PRRX1: variants seen among roughly 807,000 people sequenced by gnomAD.
PRRX1 encodes paired related homeobox 1, also known as paired mesoderm homeobox protein 1.
In PRRX1, 8 loss-of-function variants were observed where a neutral mutation model predicts 24.0. The ratio of observed to expected loss-of-function variants is 0.33; its 90% CI spans 0.20 to 0.60. PRRX1 has a LOEUF of 0.60. Ranked by LOEUF, PRRX1 falls within the 20% of genes least tolerant of loss-of-function variation. PRRX1 has a pLI of 0.82. For missense variants in PRRX1, 281 were observed against 322.4 expected (o/e 0.87, Z 0.98); for synonymous variants, 160 against 131.7 (o/e 1.22, Z -1.47).
intron 1 of PRRX1, among the ~76,000 whole-genome samples, chr1:170,699,414 C>A (rs1237133784): frequency 2.6e-5 from 4 of 151,806 alleles, no homozygotes; most frequent in Admixed American, 2.6e-4. Context: ...GGTCTCATTT[C>A]TTTCTCTGTC....
chr1:170,664,619 A>G (rs1033627175), intron 1 of PRRX1, among the ~76,000 whole-genome samples, 160 bp downstream of exon 1: 1 of 152,232 alleles, frequency 6.6e-6, no homozygotes, highest in Non-Finnish European at 1.5e-5. Context: ...AGGGGAAACC[A>G]GATGAGAAAA....
At chr1:170,689,837 TCC>T (rs869136073) in intron 1 of PRRX1, among the ~76,000 whole-genome samples, 1,613 of 56,974 alleles carry the variant, frequency 0.028, 67 homozygotes, top group Admixed American at 0.061. Flanking sequence ...TCTCTCTCTC[TCC>T]CTCTCTCTCT....
intron 3 of PRRX1, 63 bp downstream of exon 3, chr1:170,726,464 T>C: frequency 5.8e-6 from 9 of 1,557,998 alleles, no homozygotes; most frequent in Non-Finnish European, 8.0e-6. Flanking sequence ...TCGGTCATGT[T>C]TCAAGCTGCT....
intron 3 of PRRX1, among the ~76,000 whole-genome samples, chr1:170,731,050 A>G (rs914069787): frequency 6.6e-6 from 1 of 152,250 alleles, no homozygotes; most frequent in Non-Finnish European, 1.5e-5. Context: ...AGAGATAAAT[A>G]TACGTATTAG....
chr1:170,739,282 A>G lies in PRRX1; in HGVS notation c.*3096A>G, dbSNP rs932227012. ...TAAAAAAGGGAATGACATTTAGGGTATAAAGATCTCATAAGAAATGTAATA... is the reference window on the plus strand; with the variant it reads ...TAAAAAAGGGAATGACATTTAGGGTGTAAAGATCTCATAAGAAATGTAATA... On this transcript the variant is annotated 3_prime_UTR_variant, in exon 4 of 4. Coordinates refer to ENST00000239461, the MANE Select transcript of PRRX1 (RefSeq NM_022716.4). 2 of 189,300 alleles carry G rather than the reference A, an allele frequency of 1.1e-5. No individual in the cohort carries two copies. Among genetic ancestry groups the G allele is most frequent in the Non-Finnish European group, 2.2e-5 (2 of 89,834 alleles). 11.7% of individuals were successfully genotyped at this position (189,300 alleles called of 1,614,324 possible).
intron 1 of PRRX1, among the ~76,000 whole-genome samples, chr1:170,714,014 C>T (rs61226978): frequency 1.2e-3 from 184 of 152,306 alleles, no homozygotes; most frequent in African/African-American, 4.3e-3. Flanking sequence ...TGTGTGTGTG[C>T]TGCTAAACTT....
chr1:170,691,999 A>G (rs1234677288), intron 1 of PRRX1, among the ~76,000 whole-genome samples: 1 of 152,126 alleles, frequency 6.6e-6, no homozygotes, highest in Non-Finnish European at 1.5e-5. Context: ...AAGTGCTATG[A>G]GGAATACAAA....
chr1:170,664,754 CT>C (rs1652857813), intron 1 of PRRX1, among the ~76,000 whole-genome samples: 1 of 152,242 alleles, frequency 6.6e-6, no homozygotes, highest in Non-Finnish European at 1.5e-5. Context: ...TTTACTTCGG[CT>C]AGGCACCGGC....
At chr1:170,731,087 G>T in intron 3 of PRRX1, among the ~76,000 whole-genome samples, 1 of 152,302 alleles carries the variant, frequency 6.6e-6, no homozygotes, top group Middle Eastern at 3.4e-3. Flanking sequence ...TTTCAAAACA[G>T]AAGTTAGAAA....
chr1:170,701,041 A>G (rs1446388398), intron 1 of PRRX1, among the ~76,000 whole-genome samples: 1 of 152,214 alleles, frequency 6.6e-6, no homozygotes, highest in Non-Finnish European at 1.5e-5. Context: ...ACTTTTAGGA[A>G]TGAGTAATAC....
In PRRX1 at chr1:170,664,249, C is replaced by A; in HGVS notation, c.31C>A (p.Arg11=). The A allele has an allele frequency of 6.2e-7, 1 of 1,612,156 alleles. No individual in the cohort carries two copies. The highest frequency in any genetic ancestry group is 2.2e-5 in the East Asian group (1 of 44,790). Residue 11 remains arginine, a synonymous_variant, in exon 1 of 4, where the codon CGG becomes AGG. Coordinates refer to ENST00000239461, the MANE Select transcript of PRRX1 (RefSeq NM_022716.4). ...CTCCAGCTACGGGCACGTTCTGGAG[C>A]GGCAACCGGCGCTGGGCGGCCGCTT... is the stretch of plus-strand genomic sequence containing the variant. MTSSYGHVLE[R]QPALGGRLDS... is the part of the protein sequence containing the mutation.
At chr1:170,670,994 C>A (rs1653123616) in intron 1 of PRRX1, among the ~76,000 whole-genome samples, 1 of 152,138 alleles carries the variant, frequency 6.6e-6, no homozygotes, top group Non-Finnish European at 1.5e-5. Context: ...AGCTCTAATT[C>A]CCGAGAACTT....
chr1:170,680,029 A>G (rs558015873), intron 1 of PRRX1, among the ~76,000 whole-genome samples: 1 of 152,346 alleles, frequency 6.6e-6, no homozygotes, highest in South Asian at 2.1e-4. Flanking sequence ...CGAAATTTCA[A>G]CATAACCTAT....
chr1:170,729,801 G>A (rs1198690982), intron 3 of PRRX1, among the ~76,000 whole-genome samples: 2 of 152,118 alleles, frequency 1.3e-5, no homozygotes, highest in Non-Finnish European at 2.9e-5. Flanking sequence ...CTTTACATCC[G>A]TGGCCAGTTA....
chr1:170,727,247 C>G (rs756999927), intron 3 of PRRX1: 8 of 152,104 alleles, frequency 5.3e-5, no homozygotes, highest in Non-Finnish European at 7.4e-5. Context: ...CTTTTAACCT[C>G]CCATTATTAT....
chr1:170,721,619 G>A (rs1158430363), intron 2 of PRRX1, among the ~76,000 whole-genome samples: 1 of 152,156 alleles, frequency 6.6e-6, no homozygotes, highest in East Asian at 1.9e-4. Context: ...GAGCCTGTGG[G>A]GCCCCTGAGG....
intron 1 of PRRX1, among the ~76,000 whole-genome samples, chr1:170,718,934 A>C (rs754673031): frequency 6.6e-6 from 1 of 152,234 alleles, no homozygotes; most frequent in African/African-American, 2.4e-5. Flanking sequence ...CTTGACAGGT[A>C]AAAATGGAGT....
intron 2 of PRRX1, among the ~76,000 whole-genome samples, chr1:170,720,369 A>T (rs979130692): frequency 1.3e-5 from 2 of 152,212 alleles, no homozygotes; most frequent in Non-Finnish European, 2.9e-5. Flanking sequence ...TATGGTCAGC[A>T]TGAGGATAGA....
At chr1:170,718,778 T>C (rs12136110) in intron 1 of PRRX1, among the ~76,000 whole-genome samples, 13,565 of 152,160 alleles carry the variant, frequency 0.089, 792 homozygotes, top group African/African-American at 0.16. Context: ...TGGTATTCCA[T>C]TCAGTTTCAC....
Sources: gnomAD v4.1 joint callset for allele counts (sites outside exome capture counted in the v4.1 genomes callset) on GRCh38, gnomAD v4.1.1 for gene constraint, MANE v1.5 for transcripts, NCBI Gene and HGNC (gene_info 2026-07-23, HGNC 2026-07-21) for gene names.